C1orf56: variants seen among roughly 807,000 people sequenced by gnomAD.
The protein encoded by C1orf56 is protein MENT.
In C1orf56, 14 loss-of-function variants were observed where a neutral mutation model predicts 20.7. The observed-to-expected ratio is 0.68, with a 90% CI of 0.45 to 1.06. C1orf56 has a LOEUF of 1.06. Ranked by LOEUF, C1orf56 falls within the 50% of genes least tolerant of loss-of-function variation. The probability of loss-of-function intolerance (pLI) is 0.00; values close to 1 mark genes in which losing one functional copy is unlikely to be tolerated. For missense variants in C1orf56, 424 were observed against 451.4 expected (o/e 0.94, Z 0.55); for synonymous variants, 187 against 194.7 (o/e 0.96, Z 0.33).
intron 1 of C1orf56, among the ~76,000 whole-genome samples, chr1:151,049,887 A>T (rs1199057366): frequency 1.3e-5 from 2 of 152,246 alleles, no homozygotes; most frequent in African/African-American, 4.8e-5. Context: ...TTAATCAATT[A>T]ATAGTTTTGA....
rs1558106942 is a variant in C1orf56, at chr1:151,050,439, T to C, written c.1007T>C (p.Ile336Thr). Residue 336 changes from isoleucine (I) to threonine (T), a missense_variant and splice_region_variant, in exon 2 of 2, where the codon ATA (isoleucine) becomes ACA (threonine). Physicochemically the swap from Ile to Thr is moderately conservative, Grantham distance 89. Transcript: ENST00000368926. ...LSSVFTEMQP[I>T]DRNQR Reference sequence around the variant, plus strand: ...TCTCTATTTTTTTTTCTTACGCAGATAGACAGAAACCAGAGGTAATGGCCA... The same window carrying C: ...TCTCTATTTTTTTTTCTTACGCAGACAGACAGAAACCAGAGGTAATGGCCA... 4 of 1,609,220 alleles carry C rather than the reference T, an allele frequency of 2.5e-6. No homozygotes were observed. The Admixed American group carries it at 5.1e-5, about 21-fold the overall frequency.
chr1:151,048,860 T>C lies in C1orf56; in HGVS notation c.1005+8T>C. ...TTCACAGAGATGCAACCAGTAAGTG[T>C]TTGGTGATGAGCCAGGGTCTTTGTT... On this transcript the variant is annotated splice_region_variant and intron_variant, in intron 1 of 1. Coordinates refer to ENST00000368926, the MANE Select transcript of C1orf56 (RefSeq NM_017860.5). The surrounding 1 kb of genome is among the most constrained non-coding windows in gnomAD (Gnocchi z 4.8). 1 of 1,531,380 alleles carries C rather than the reference T, an allele frequency of 6.5e-7. No homozygotes were observed. The highest frequency in any genetic ancestry group is 8.8e-7 in the Non-Finnish European group (1 of 1,138,166). The allele number at this position is 1,531,380 out of a possible 1,614,324, so 94.9% of individuals were successfully genotyped here. A position where few individuals can be genotyped will look rare whatever the true frequency, so the allele number is the denominator to read the frequency against.
rs899458649 is a variant in C1orf56 at position 151,048,287 on chromosome 1, A to T, written c.440A>T (p.Glu147Val). 1 of 1,614,222 alleles carries T rather than the reference A, an allele frequency of 6.2e-7. No homozygotes were observed. The highest frequency in any genetic ancestry group is 1.1e-5 in the South Asian group (1 of 91,088). Residue 147 changes from glutamate to valine, a missense_variant, in exon 1 of 2, where the codon GAA (glutamate) becomes GTA (valine). Physicochemically the swap from Glu to Val is moderately radical, Grantham distance 121. Transcript: ENST00000368926. This position sits in a 1 kb window ranked among gnomAD's most constrained non-coding sequence, Gnocchi z 4.8. ...TTTATAGCCAATAGTCAGGAGCCTG[A>T]AATCAGGCTGACTTCAAGCCTGCCG... ...TRFIANSQEP[E>V]IRLTSSLPRS...
rs745768643 is a variant in C1orf56 at position 151,048,576 on chromosome 1, G to C, written c.729G>C (p.Thr243=). ...LRVGALSQLR[T]EHKPCTYQQC... Reference sequence around the variant, plus strand: ...TTGGGGCGCTGAGCCAGCTCCGCACGGAGCACAAGCCTTGCACCTATCAAC... The same window carrying C: ...TTGGGGCGCTGAGCCAGCTCCGCACCGAGCACAAGCCTTGCACCTATCAAC... The change falls in exon 1 of 2, where the codon ACG becomes ACC. Residue 243 remains threonine (T), a synonymous_variant. Transcript: ENST00000368926. The surrounding 1 kb of genome is among the most constrained non-coding windows in gnomAD (Gnocchi z 4.8). The C allele has an allele frequency of 6.2e-7, 1 of 1,614,224 alleles. No individual in the cohort carries two copies. The highest frequency in any genetic ancestry group is 8.5e-7 in the Non-Finnish European group (1 of 1,180,054).
Position 151,047,759 on chromosome 1 carries a change from C to T in C1orf56, c.-89C>T, listed in dbSNP as rs1238874448. ...CCCGCGGGCCTCGGTTCAAACGACC[C>T]GGTGGGTCTACAGCGGAAGGGAGGG... On this transcript the variant is annotated 5_prime_UTR_variant, in exon 1 of 2. Coordinates refer to ENST00000368926, the MANE Select transcript of C1orf56 (RefSeq NM_017860.5). 2 of 1,426,420 alleles carry T rather than the reference C, an allele frequency of 1.4e-6. No homozygotes were observed. The highest frequency in any genetic ancestry group is 5.2e-5 in the East Asian group (2 of 38,800). The allele number at this position is 1,426,420 out of a possible 1,614,324, so 88.4% of individuals were successfully genotyped here. A position where few individuals can be genotyped will look rare whatever the true frequency, so the allele number is the denominator to read the frequency against.
At position 151,048,540 on chromosome 1, in the gene C1orf56, G is replaced by A. The variant is rs758797581; in HGVS notation, c.693G>A (p.Gly231=). ...CTGGGAAGCTGCACGGCCTTTCCGG[G>A]CGCCTTCGAGTTGGGGCGCTGAGCC... is the stretch of plus-strand genomic sequence containing the variant. ...SRSGKLHGLS[G]RLRVGALSQL... is the part of the protein sequence containing the mutation. The change falls in exon 1 of 2, where the codon GGG becomes GGA. Residue 231 remains glycine (G), a synonymous_variant. Coordinates refer to ENST00000368926, the MANE Select transcript of C1orf56 (RefSeq NM_017860.5). The surrounding 1 kb of genome is among the most constrained non-coding windows in gnomAD (Gnocchi z 4.8). 2.5e-6 allele frequency: 4 copies of A among 1,613,526 alleles called. No homozygotes were observed. In the African/African-American group the frequency reaches 4.0e-5, roughly 16 times the overall value.
At position 151,048,717 on chromosome 1, in the gene C1orf56, C is replaced by A. The variant is rs373682714; in HGVS notation, c.870C>A (p.Pro290=). The change falls in exon 1 of 2, where the codon CCC becomes CCA. Residue 290 remains proline (P), a synonymous_variant. Coordinates refer to ENST00000368926, the MANE Select transcript of C1orf56 (RefSeq NM_017860.5). This position sits in a 1 kb window ranked among gnomAD's most constrained non-coding sequence, Gnocchi z 4.8. Reference sequence around the variant, plus strand: ...CCAGGACCACCACTACCCCCTTCCCCACCATCCACCTCAGAAGCAGTCCCA... The same window carrying A: ...CCAGGACCACCACTACCCCCTTCCCAACCATCCACCTCAGAAGCAGTCCCA... The part of the protein sequence containing the change: ...TSTRTTTTPF[P]TIHLRSSPSL... The A allele has an allele frequency of 1.2e-6, 2 of 1,612,610 alleles. No individual in the cohort carries two copies. Among genetic ancestry groups the A allele is most frequent in the African/African-American group, 1.3e-5 (1 of 75,056 alleles).
chr1:151,050,547 A>G lies in C1orf56; in HGVS notation c.*89A>G. On this transcript the variant is annotated 3_prime_UTR_variant, in exon 2 of 2. Transcript: ENST00000368926. ...CACCCACTAGATATTTTTAGTACAG[A>G]AAAACAAAACTGGAAAACACATTGT... 7.6e-7 allele frequency: 1 copy of G among 1,324,156 alleles called. No homozygotes were observed. 82.0% of individuals were successfully genotyped at this position (1,324,156 alleles called of 1,614,324 possible). A position where few individuals can be genotyped will look rare whatever the true frequency, so the allele number is the denominator to read the frequency against.
chr1:151,048,500 T>TGAGCCG lies in C1orf56; in HGVS notation c.661_666dup (p.Arg222_Ser223dup). ...CACTGCCACTGCAAGTCGGGCACCATGAGCCGGAGCCGGTCTGGGAAGCTG... is the reference window on the plus strand; with the variant it reads ...CACTGCCACTGCAAGTCGGGCACCATGAGCCGGAGCCGGAGCCGGTCTGGGAAGCTG... On this transcript the variant is annotated inframe_insertion, in exon 1 of 2. Transcript: ENST00000368926. The surrounding 1 kb of genome is among the most constrained non-coding windows in gnomAD (Gnocchi z 4.8). 6.2e-7 allele frequency: 1 copy of TGAGCCG among 1,610,710 alleles called. No individual in the cohort carries two copies. Among genetic ancestry groups the TGAGCCG allele is most frequent in the Non-Finnish European group, 8.5e-7 (1 of 1,179,968 alleles).
rs1349513929 is a variant in C1orf56 at position 151,048,119 on chromosome 1, C to G, written c.272C>G (p.Ser91Cys). 2 of 1,613,458 alleles carry G rather than the reference C, an allele frequency of 1.2e-6. No homozygotes were observed. The highest frequency in any genetic ancestry group is 1.7e-6 in the Non-Finnish European group (2 of 1,180,012). The change falls in exon 1 of 2, where the codon TCC (serine) becomes TGC (cysteine). Residue 91 changes from serine to cysteine, a missense_variant. Coordinates refer to ENST00000368926, the MANE Select transcript of C1orf56 (RefSeq NM_017860.5). The surrounding 1 kb of genome is among the most constrained non-coding windows in gnomAD (Gnocchi z 4.8). ...GCCGAGCTCTTGGCCGCCACGGTGT[C>G]CACCGGCTTTAGCCGGTCGTCCGCC... is the stretch of plus-strand genomic sequence containing the variant. Reference protein sequence around the residue: ...AAAELLAATVSTGFSRSSAIN... With the variant: ...AAAELLAATVCTGFSRSSAIN...
rs759572470 is a variant in C1orf56 at position 151,047,844 on chromosome 1, C to A, written c.-4C>A. On this transcript the variant is annotated 5_prime_UTR_variant, in exon 1 of 2. Coordinates refer to ENST00000368926, the MANE Select transcript of C1orf56 (RefSeq NM_017860.5). Reference sequence around the variant, plus strand: ...CACCCTCCCAACCCCAAGAGCCCAGCCCCATGGTCCCCGCCGCCGGCGCGC... The same window carrying A: ...CACCCTCCCAACCCCAAGAGCCCAGACCCATGGTCCCCGCCGCCGGCGCGC... The A allele has an allele frequency of 6.4e-7, 1 of 1,561,798 alleles. No individual in the cohort carries two copies. Among genetic ancestry groups the A allele is most frequent in the Non-Finnish European group, 8.6e-7 (1 of 1,157,622 alleles).
Position 151,048,803 on chromosome 1 carries a change from T to G in C1orf56, c.956T>G (p.Leu319Arg), listed in dbSNP as rs1385524351. The part of the protein sequence containing the change: ...LAFWKRVRIG[L>R]EDIWNSLSSV... ...TTTTGGAAACGGGTCAGGATTGGCC[T>G]GGAGGATATTTGGAATAGCCTCTCT... The change falls in exon 1 of 2, where the codon CTG (leucine) becomes CGG (arginine). Residue 319 changes from leucine to arginine, a missense_variant. Leu to Arg is a moderately radical substitution (Grantham distance 102). Transcript: ENST00000368926. This position sits in a 1 kb window ranked among gnomAD's most constrained non-coding sequence, Gnocchi z 4.8. 2.5e-6 allele frequency: 4 copies of G among 1,601,716 alleles called. No individual in the cohort carries two copies. Among genetic ancestry groups the G allele is most frequent in the Non-Finnish European group, 3.4e-6 (4 of 1,175,016 alleles).
At chr1:151,050,305 A>T in intron 1 of C1orf56, 133 bp from the exon 2 acceptor site, 1 of 783,130 alleles carries the variant, frequency 1.3e-6, no homozygotes, top group Non-Finnish European at 2.0e-6. Flanking sequence ...TATTGCATAC[A>T]AAAATAAGTA....
intron 1 of C1orf56, among the ~76,000 whole-genome samples, chr1:151,049,161 T>G (rs1676124169): frequency 6.6e-6 from 1 of 152,096 alleles, no homozygotes; most frequent in African/African-American, 2.4e-5. Flanking sequence ...TTGCCGAGGC[T>G]GGAGTGCAAT....
rs1359643187 is a variant in C1orf56 at position 151,048,962 on chromosome 1, C to T, written c.1005+110C>T. 7.0e-7 allele frequency: 1 copy of T among 1,437,090 alleles called. No homozygotes were observed. The highest frequency in any genetic ancestry group is 9.2e-7 in the Non-Finnish European group (1 of 1,084,856). The allele number at this position is 1,437,090 out of a possible 1,614,324, so 89.0% of individuals were successfully genotyped here. On this transcript the variant is annotated intron_variant, in intron 1 of 1. Coordinates refer to ENST00000368926, the MANE Select transcript of C1orf56 (RefSeq NM_017860.5). The surrounding 1 kb of genome is among the most constrained non-coding windows in gnomAD (Gnocchi z 4.8). ...TGTTGCTTACATGAACTGTTACTGA[C>T]TTACCTGGTTATTGATTCATAACAT...
At chr1:151,049,673 C>G (rs1366368132) in intron 1 of C1orf56, 1 of 151,722 alleles carries the variant, frequency 6.6e-6, no homozygotes, top group Non-Finnish European at 1.5e-5. Flanking sequence ...CCACCTTAGC[C>G]TGCTGAATAG....
At position 151,048,473 on chromosome 1, in the gene C1orf56, G is replaced by A. The variant is rs1306703565; in HGVS notation, c.626G>A (p.Trp209Ter). The A allele has an allele frequency of 1.2e-6, 2 of 1,608,700 alleles. No individual in the cohort carries two copies. The highest frequency in any genetic ancestry group is 3.3e-5 in the Admixed American group (2 of 60,014). Residue 209 changes from tryptophan to a stop codon, truncating the protein, a stop_gained, in exon 1 of 2, where the codon TGG becomes TAG. Transcript: ENST00000368926. LOFTEE classifies it high-confidence loss of function. The surrounding 1 kb of genome is among the most constrained non-coding windows in gnomAD (Gnocchi z 4.8). ...LRLVLMPWGP[W>*]HCHCKSGTMS... ...CTGGTGCTGATGCCCTGGGGCCCGT[G>A]GCACTGCCACTGCAAGTCGGGCACC...
intron 1 of C1orf56, among the ~76,000 whole-genome samples, chr1:151,050,205 A>C (rs1676147185): frequency 6.6e-6 from 1 of 152,226 alleles, no homozygotes; most frequent in African/African-American, 2.4e-5. Flanking sequence ...ATTGATACGG[A>C]TGATAGGACT....
At position 151,048,834 on chromosome 1, in the gene C1orf56, G is replaced by A. The variant is rs1468307071; in HGVS notation, c.987G>A (p.Val329=). ...ATATTTGGAATAGCCTCTCTTCAGT[G>A]TTCACAGAGATGCAACCAGTAAGTG... is the stretch of plus-strand genomic sequence containing the variant. ...LEDIWNSLSS[V]FTEMQPIDRN... The change falls in exon 1 of 2, where the codon GTG becomes GTA. Residue 329 remains valine, a synonymous_variant. Transcript: ENST00000368926. The surrounding 1 kb of genome is among the most constrained non-coding windows in gnomAD (Gnocchi z 4.8). The A allele has an allele frequency of 2.6e-6, 4 of 1,566,290 alleles. No individual in the cohort carries two copies. The highest frequency in any genetic ancestry group is 2.4e-5 in the South Asian group (2 of 84,252).
Sources: gnomAD v4.1 joint callset for allele counts (sites outside exome capture counted in the v4.1 genomes callset) on GRCh38, gnomAD v4.1.1 for gene constraint, Gnocchi (gnomAD v3.1) non-coding constraint, MANE v1.5 for transcripts, NCBI Gene and HGNC (gene_info 2026-07-23, HGNC 2026-07-21) for gene names.